Variants in BSN observed in about 807,000 individuals in gnomAD.
BSN encodes protein bassoon.
Under a neutral mutation model 264.8 loss-of-function variants are expected in BSN, and 57 were observed. That is an observed-to-expected ratio of 0.22 (90% CI 0.17 to 0.27). BSN has a LOEUF of 0.27. BSN is among the 10% of genes least tolerant of loss of function. The pLI, the probability that BSN is intolerant of heterozygous loss-of-function variation, is 1.00. For missense variants in BSN, 4,615 were observed against 5,232.5 expected, an observed-to-expected ratio of 0.88 and a Z score of 3.64; for synonymous variants, 2,059 against 2,137.3, an observed-to-expected ratio of 0.96 and a Z score of 1.01.
chr3:49,575,011 A>T (rs1355067818), intron 1 of BSN, among the ~76,000 whole-genome samples: 1 of 150,914 alleles, frequency 6.6e-6, no homozygotes, highest in Admixed American at 6.6e-5. Context: ...TGTTGATGAG[A>T]CTCTTCTGGA....
At chr3:49,639,509 T>C (rs2052445148) in intron 2 of BSN, among the ~76,000 whole-genome samples, 1 of 152,244 alleles carries the variant, frequency 6.6e-6, no homozygotes, top group African/African-American at 2.4e-5. Flanking sequence ...GCCTTGCTTC[T>C]TAAAAAGCAT....
chr3:49,602,929 A>C (rs2052083496), intron 1 of BSN, among the ~76,000 whole-genome samples: 1 of 152,180 alleles, frequency 6.6e-6, no homozygotes, highest in African/African-American at 2.4e-5. Flanking sequence ...TCATGGGCAG[A>C]GTGAAGGGAG....
intron 1 of BSN, among the ~76,000 whole-genome samples, chr3:49,597,488 C>T (rs1447046128): frequency 6.6e-6 from 1 of 152,116 alleles, no homozygotes; most frequent in Non-Finnish European, 1.5e-5. Flanking sequence ...CCCCACCACA[C>T]CCAGCACATT....
intron 1 of BSN, among the ~76,000 whole-genome samples, chr3:49,605,876 ATATAGATATAAATATATTTATG>A (rs1457289689): frequency 6.9e-5 from 6 of 86,678 alleles, no homozygotes; most frequent in Admixed American, 2.2e-4. Context: ...ATCTATTTAT[ATATAGATATAAATATATTTATG>A]TCTATATAAA....
rs2052665190 is a variant in BSN at position 49,662,242 on chromosome 3, A to G, written c.10397A>G (p.Tyr3466Cys). 5 of 1,613,880 alleles carry G rather than the reference A, an allele frequency of 3.1e-6. No individual in the cohort carries two copies. The highest frequency in any genetic ancestry group is 4.2e-6 in the Non-Finnish European group (5 of 1,179,932). ...SHDFSGWGKG[Y>C]EREREAVERL... ...GACTTCAGTGGCTGGGGCAAGGGGT[A>G]CGAAAGGGAACGGGAGGCTGTGGAG... is the stretch of plus-strand genomic sequence containing the variant. The change falls in exon 6 of 12, where the codon TAC becomes TGC. Residue 3466 changes from tyrosine to cysteine, a missense_variant. Physicochemically the swap from Tyr to Cys is radical, Grantham distance 194. This residue lies in a region of BSN where 3,415 missense variants were observed against 3,866.4 expected (regional missense o/e 0.88). Coordinates refer to ENST00000296452, the MANE Select transcript of BSN (RefSeq NM_003458.4).
chr3:49,655,634 C>T lies in BSN; in HGVS notation c.6078C>T (p.Gly2026=), dbSNP rs1334961218. 6.2e-7 allele frequency: 1 copy of T among 1,613,590 alleles called. No homozygotes were observed. The highest frequency in any genetic ancestry group is 1.3e-5 in the African/African-American group (1 of 74,922). Residue 2026 remains glycine, a synonymous_variant, in exon 5 of 12, where the codon GGC becomes GGT. Coordinates refer to ENST00000296452, the MANE Select transcript of BSN (RefSeq NM_003458.4). ...CACTGAAGCACTCCTACAGCCTGGG[C>T]TTTGCGGATGGACGCTACCTAGGGC... ...LSSLKHSYSL[G]FADGRYLGQG... is the part of the protein sequence containing the mutation.
chr3:49,593,760 A>G (rs1467168765), intron 1 of BSN, among the ~76,000 whole-genome samples: 1 of 114,560 alleles, frequency 8.7e-6, no homozygotes, highest in Admixed American at 8.0e-5. Flanking sequence ...AGGGTTCTTT[A>G]TATATTCTAG....
At chr3:49,602,153 T>C (rs1054601313) in intron 1 of BSN, among the ~76,000 whole-genome samples, 1 of 152,124 alleles carries the variant, frequency 6.6e-6, no homozygotes. Flanking sequence ...TTCCTTGGAG[T>C]GCCCTTGAGT....
At position 49,664,423 on chromosome 3, in the gene BSN, G is replaced by A. The variant is rs775236093; in HGVS notation, c.11609G>A (p.Gly3870Asp). 12 of 1,613,604 alleles carry A rather than the reference G, an allele frequency of 7.4e-6. No homozygotes were observed. In the South Asian group the frequency reaches 1.3e-4, roughly 18 times the overall value. The change falls in exon 9 of 12, where the codon GGT (glycine) becomes GAT (aspartate). Residue 3870 changes from glycine to aspartate, a missense_variant and splice_region_variant. Physicochemically the swap from Gly to Asp is moderately conservative, Grantham distance 94 (BLOSUM62 -1). Coordinates refer to ENST00000296452, the MANE Select transcript of BSN (RefSeq NM_003458.4). The part of the protein sequence containing the change: ...AQPAPGPGPA[G>D]VKAGARPGGT... ...ATTATGGCGATTTCTTTCCTCCTAG[G>A]TGTGAAGGCTGGAGCCAGGCCTGGA...
In BSN at chr3:49,660,123, CTCT is replaced by C. The variant is rs776376278; in HGVS notation, c.8641-358_8641-356del. Among the ~76,000 whole-genome samples, 16 of 152,252 alleles carry C rather than the reference CTCT, an allele frequency of 1.1e-4. No homozygotes were observed. The East Asian group carries it at 2.1e-3, about 20-fold the overall frequency. On this transcript the variant is annotated intron_variant, in intron 5 of 11. Coordinates refer to ENST00000296452, the MANE Select transcript of BSN (RefSeq NM_003458.4). The surrounding 1 kb of genome is among the most constrained non-coding windows in gnomAD (Gnocchi z 7.1). Reference sequence around the variant, plus strand: ...CCCCAAACCCAGAGCCACAGCTGTACTCTTCTTACCTCAATGTGAGGCAGAGGG... The same window carrying C: ...CCCCAAACCCAGAGCCACAGCTGTACTCTTACCTCAATGTGAGGCAGAGGG...
chr3:49,659,033 C>T (rs1037037979), intron 5 of BSN, among the ~76,000 whole-genome samples: 3 of 152,130 alleles, frequency 2.0e-5, no homozygotes, highest in Non-Finnish European at 4.4e-5. Flanking sequence ...GGAAAGTTTC[C>T]TGGGCAGAAT....
At chr3:49,565,274 T>C (rs2108001930) in intron 1 of BSN, among the ~76,000 whole-genome samples, 1 of 148,736 alleles carries the variant, frequency 6.7e-6, no homozygotes, top group East Asian at 2.0e-4. Flanking sequence ...GCCTCCCGAG[T>C]AGCTGGGACT....
intron 1 of BSN, among the ~76,000 whole-genome samples, chr3:49,603,654 G>A (rs531092728): frequency 2.2e-4 from 33 of 152,190 alleles, no homozygotes; most frequent in South Asian, 1.0e-3. Context: ...CCATTAGAAG[G>A]GTTCTCTGAT....
chr3:49,656,808 GA>G lies in BSN; in HGVS notation c.7253del (p.Glu2418GlyfsTer28). ...EQLLVQRELQELQTIKHHVLQ... is the reference protein window; with the variant it reads ...EQLLVQRELQXLQTIKHHVLQ... Reference sequence around the variant, plus strand: ...GCTGCTGGTGCAGCGGGAGTTGCAGGAGCTGCAGACCATCAAGCACCATGTG... The same window carrying G: ...GCTGCTGGTGCAGCGGGAGTTGCAGGGCTGCAGACCATCAAGCACCATGTG... On this transcript the variant is annotated frameshift_variant, in exon 5 of 12. Coordinates refer to ENST00000296452, the MANE Select transcript of BSN (RefSeq NM_003458.4). LOFTEE classifies it high-confidence loss of function. 1 of 1,594,018 alleles carries G rather than the reference GA, an allele frequency of 6.3e-7. No homozygotes were observed. The highest frequency in any genetic ancestry group is 8.5e-7 in the Non-Finnish European group (1 of 1,171,024).
chr3:49,601,131 C>T (rs1338351826), intron 1 of BSN, among the ~76,000 whole-genome samples: 2 of 152,200 alleles, frequency 1.3e-5, no homozygotes, highest in Non-Finnish European at 2.9e-5. Flanking sequence ...TAGATATCAG[C>T]TCTCTCAGAG....
rs33920630 is a variant in BSN at position 49,574,132 on chromosome 3, A to AT, written c.224+19322dup. On this transcript the variant is annotated intron_variant, in intron 1 of 11. Coordinates refer to ENST00000296452, the MANE Select transcript of BSN (RefSeq NM_003458.4). ...ATCTGGCTAATTTTTGTATTTTTGT[A>AT]TTTTTTTTTTTTTTTTGTAGAGATG... is the stretch of plus-strand genomic sequence containing the variant. 2.5e-3 allele frequency among the ~76,000 whole-genome samples: 317 copies of AT among 127,958 alleles called. 13 individuals are homozygous for AT. Among genetic ancestry groups the AT allele is most frequent in the African/African-American group, 5.6e-3 (191 of 33,880 alleles). The allele number at this position is 127,958 out of a possible 152,430, so 83.9% of individuals were successfully genotyped here.
rs1284780776 is a variant in BSN, at chr3:49,652,994, T to C, written c.3438T>C (p.Leu1146=). Residue 1146 remains leucine (L), a synonymous_variant, in exon 5 of 12, where the codon CTT becomes CTC. Transcript: ENST00000296452. The part of the protein sequence containing the change: ...AEALDGGPSR[L]YKSGSEYNLP... The stretch of plus-strand genomic sequence containing the variant: ...CCTTGGATGGTGGCCCTAGCCGGCT[T>C]TACAAGTCAGGCAGTGAGTACAACC... 1.2e-6 allele frequency: 2 copies of C among 1,613,368 alleles called. No homozygotes were observed. The highest frequency in any genetic ancestry group is 1.7e-6 in the Non-Finnish European group (2 of 1,179,860).
chr3:49,584,106 C>T (rs1334770312), intron 1 of BSN, among the ~76,000 whole-genome samples: 2 of 151,914 alleles, frequency 1.3e-5, no homozygotes, highest in African/African-American at 2.4e-5. Flanking sequence ...AGGAGGGTCT[C>T]GATCTCCTGA....
At position 49,653,978 on chromosome 3, in the gene BSN, A is replaced by G; in HGVS notation, c.4422A>G (p.Ala1474=). The change falls in exon 5 of 12, where the codon GCA becomes GCG. Residue 1474 remains alanine (A), a synonymous_variant. Coordinates refer to ENST00000296452, the MANE Select transcript of BSN (RefSeq NM_003458.4). This position sits in a 1 kb window ranked among gnomAD's most constrained non-coding sequence, Gnocchi z 6.3. ...PQPSRAYSYF[A]SSSPPLSPSS... ...CTTCCCGGGCATATTCCTACTTTGCAAGCTCCAGCCCACCTCTCTCCCCGT... is the reference window on the plus strand; with the variant it reads ...CTTCCCGGGCATATTCCTACTTTGCGAGCTCCAGCCCACCTCTCTCCCCGT... 1.9e-6 allele frequency: 3 copies of G among 1,614,010 alleles called. No individual in the cohort carries two copies. Among genetic ancestry groups the G allele is most frequent in the Non-Finnish European group, 2.5e-6 (3 of 1,180,006 alleles).
Sources: allele counts gnomAD v4.1 joint callset (sites outside exome capture counted in the v4.1 genomes callset), GRCh38; gene constraint gnomAD v4.1.1; regional missense constraint gnomAD v4.1.1; non-coding constraint Gnocchi (gnomAD v3.1); transcripts MANE v1.5; gene names NCBI Gene and HGNC (gene_info 2026-07-23, HGNC 2026-07-21).